KIF6: variants seen among roughly 807,000 people sequenced by gnomAD.
The protein encoded by KIF6 is kinesin family member 6, also known as kinesin-like protein KIF6.
Under a neutral mutation model 112.7 loss-of-function variants are expected in KIF6, and 106 were observed. That is an observed-to-expected ratio of 0.94 (90% CI 0.80 to 1.11). The LOEUF (loss-of-function observed/expected upper bound fraction) is 1.11, where lower values mean the gene tolerates loss of function less well. KIF6 is among the 50% of genes least tolerant of loss of function. The pLI, the probability that KIF6 is intolerant of heterozygous loss-of-function variation, is 0.00. For synonymous variants in KIF6, 339 were observed against 339.9 expected, an observed-to-expected ratio of 1.00 and a Z score of 0.03; for missense variants, 929 against 964.0, an observed-to-expected ratio of 0.96 and a Z score of 0.48.
intron 22 of KIF6, among the ~76,000 whole-genome samples, chr6:39,340,364 G>C (rs532571036): frequency 6.6e-6 from 1 of 152,162 alleles, no homozygotes; most frequent in Non-Finnish European, 1.5e-5. Context: ...CGTCAATGCT[G>C]GTTCCTGTTC....
intron 15 of KIF6, among the ~76,000 whole-genome samples, chr6:39,403,290 GT>G (rs1229254378): frequency 6.6e-6 from 1 of 152,102 alleles, no homozygotes; most frequent in African/African-American, 2.4e-5. Context: ...ATCCCCAAGA[GT>G]TCTGTCACCC....
At chr6:39,462,791 A>G (rs1046253471) in intron 13 of KIF6, among the ~76,000 whole-genome samples, 2 of 152,166 alleles carry the variant, frequency 1.3e-5, no homozygotes, top group African/African-American at 4.8e-5. Flanking sequence ...GCACATATAT[A>G]TATTTGCTAC....
At chr6:39,433,438 G>A (rs2150384865) in intron 13 of KIF6, among the ~76,000 whole-genome samples, 1 of 152,146 alleles carries the variant, frequency 6.6e-6, no homozygotes. Context: ...GACTTACAAT[G>A]GAATAAAGTA....
intron 10 of KIF6, among the ~76,000 whole-genome samples, chr6:39,575,166 C>T (rs1415666871): frequency 1.3e-5 from 2 of 152,270 alleles, no homozygotes; most frequent in South Asian, 2.1e-4. Flanking sequence ...CCAGCCACAC[C>T]TGAACCATGG....
chr6:39,640,770 A>G (rs1479492564), intron 3 of KIF6, among the ~76,000 whole-genome samples: 1 of 152,158 alleles, frequency 6.6e-6, no homozygotes, highest in Non-Finnish European at 1.5e-5. Flanking sequence ...ATTATTCTGA[A>G]GTGGTCACTT....
chr6:39,521,148 A>C (rs1446907739), intron 13 of KIF6, among the ~76,000 whole-genome samples: 1 of 152,178 alleles, frequency 6.6e-6, no homozygotes, highest in Non-Finnish European at 1.5e-5. Context: ...ACTCAGTGTA[A>C]TTATTGTCTC....
chr6:39,506,810 C>T (rs1776450010), intron 13 of KIF6, among the ~76,000 whole-genome samples: 1 of 152,044 alleles, frequency 6.6e-6, no homozygotes, highest in Non-Finnish European at 1.5e-5. Flanking sequence ...AGGGTTGAAA[C>T]TTTCAGACCA....
Position 39,620,750 on chromosome 6 carries a change from T to TTTTATTTATTTATTTA in KIF6, c.510-7448_510-7433dup, listed in dbSNP as rs71543964. Among the ~76,000 whole-genome samples the TTTTATTTATTTATTTA allele has an allele frequency of 7.5e-3, 1,115 of 148,620 alleles. 17 individuals carry two copies. Among genetic ancestry groups the TTTTATTTATTTATTTA allele is most frequent in the African/African-American group, 0.019 (752 of 40,238 alleles). On this transcript the variant is annotated intron_variant, in intron 5 of 22. Coordinates refer to ENST00000287152, the MANE Select transcript of KIF6 (RefSeq NM_145027.6). ...CTCTTTTGATCACCCCTTAACAACA[T>TTTTATTTATTTATTTA]TTTATTTATTTATTTATTTATTTAT...
chr6:39,568,230 G>C (rs114028853), intron 10 of KIF6, among the ~76,000 whole-genome samples: 2,285 of 152,244 alleles, frequency 0.015, 55 homozygotes, highest in African/African-American at 0.051. Flanking sequence ...CTGTATACAG[G>C]GGGTAACGAG....
chr6:39,706,754 T>C (rs1789234495), intron 3 of KIF6, among the ~76,000 whole-genome samples: 1 of 152,174 alleles, frequency 6.6e-6, no homozygotes, highest in African/African-American at 2.4e-5. Flanking sequence ...TTTGTACAAT[T>C]CAGTGGTGAA....
intron 13 of KIF6, among the ~76,000 whole-genome samples, chr6:39,450,334 C>A (rs756620236): frequency 1.3e-5 from 2 of 152,178 alleles, no homozygotes; most frequent in African/African-American, 2.4e-5. Flanking sequence ...TTCATAGATG[C>A]ATTATCCTAT....
In KIF6 at chr6:39,337,161, TTCTTTCC is replaced by T. The variant is rs1166578019; in HGVS notation, c.2429-620_2429-614del. On this transcript the variant is annotated intron_variant, in intron 22 of 22. Coordinates refer to ENST00000287152, the MANE Select transcript of KIF6 (RefSeq NM_145027.6). ...CTTCCTTCCTTTCTCTTTCTTTTCT[TTCTTTCC>T]TTCCTTCTTTCTTTCTTTCTTTCTT... Among the ~76,000 whole-genome samples the T allele has an allele frequency of 5.9e-5, 4 of 68,360 alleles. No individual in the cohort carries two copies. The African/African-American group carries it at 6.7e-4, about 11-fold the overall frequency. The allele number at this position is 68,360 out of a possible 152,430, so 44.8% of individuals were successfully genotyped here.
chr6:39,699,565 T>G (rs1025939978), intron 3 of KIF6, among the ~76,000 whole-genome samples: 2 of 152,184 alleles, frequency 1.3e-5, no homozygotes, highest in Non-Finnish European at 2.9e-5. Context: ...CTGGCCTTTT[T>G]GGCAGGGCTG....
chr6:39,532,597 C>G (rs974321553), intron 13 of KIF6, among the ~76,000 whole-genome samples: 3 of 151,984 alleles, frequency 2.0e-5, no homozygotes, highest in African/African-American at 7.2e-5. Context: ...TACCATGTTG[C>G]TGAAAAAATA....
intron 14 of KIF6, 33 bp from the exon 15 acceptor site, chr6:39,420,036 T>A (rs898314053): frequency 6.8e-7 from 1 of 1,460,678 alleles, no homozygotes; most frequent in Admixed American, 1.7e-5. Flanking sequence ...TTGTAGTTTT[T>A]CTGTTCATCC....
intron 19 of KIF6, among the ~76,000 whole-genome samples, chr6:39,355,692 C>A (rs544750987): frequency 6.6e-6 from 1 of 151,894 alleles, no homozygotes; most frequent in Non-Finnish European, 1.5e-5. Context: ...GAACTCCTGA[C>A]CTCAGGTGAT....
chr6:39,540,228 C>T lies in KIF6; in HGVS notation c.1427-7G>A. The T allele has an allele frequency of 1.3e-6, 2 of 1,583,744 alleles. No homozygotes were observed. Among genetic ancestry groups the T allele is most frequent in the Non-Finnish European group, 1.7e-6 (2 of 1,160,180 alleles). ...AACATGTTGACCAGGATATCTGAAA[C>T]TTGACTTAAGGATTTAATGCCTGAT... On this transcript the variant is annotated splice_polypyrimidine_tract_variant and splice_region_variant and intron_variant, in intron 12 of 22. Coordinates refer to ENST00000287152, the MANE Select transcript of KIF6 (RefSeq NM_145027.6).
intron 13 of KIF6, among the ~76,000 whole-genome samples, chr6:39,495,880 C>T (rs1335568273): frequency 6.6e-6 from 1 of 152,066 alleles, no homozygotes; most frequent in Non-Finnish European, 1.5e-5. Context: ...TAAATGTGAA[C>T]TGCTTTCTGA....
chr6:39,586,365 G>A lies in KIF6; in HGVS notation c.886C>T (p.Pro296Ser). The change falls in exon 8 of 23, where the codon CCT becomes TCT. Residue 296 changes from proline to serine, a missense_variant. By Grantham distance (74) the Pro-to-Ser change is moderately conservative. Transcript: ENST00000287152. Reference sequence around the variant, plus strand: ...CTGGTCATCATGGAGTTTCTATAAGGAATGTGCGAACGGTGCTTTTCTGAA... The same window carrying A: ...CTGGTCATCATGGAGTTTCTATAAGAAATGTGCGAACGGTGCTTTTCTGAA... ...ALSEKHRSHI[P>S]YRNSMMTSVL... 1 of 1,614,040 alleles carries A rather than the reference G, an allele frequency of 6.2e-7. No homozygotes were observed. The highest frequency in any genetic ancestry group is 8.5e-7 in the Non-Finnish European group (1 of 1,179,910).
Sources: gnomAD v4.1 joint callset for allele counts (sites outside exome capture counted in the v4.1 genomes callset) on GRCh38, gnomAD v4.1.1 for gene constraint, MANE v1.5 for transcripts, NCBI Gene and HGNC (gene_info 2026-07-23, HGNC 2026-07-21) for gene names.